The following SGIP1 variants were observed in gnomAD, a reference collection of about 807,000 sequenced individuals.
SGIP1 encodes SH3-containing GRB2-like protein 3-interacting protein 1.
Under a neutral mutation model 107.5 loss-of-function variants are expected in SGIP1, and 38 were observed. The ratio of observed to expected loss-of-function variants is 0.35; its 90% CI spans 0.27 to 0.46. SGIP1 has a LOEUF of 0.46. Among genes scored for constraint, SGIP1 ranks in the 20% least tolerant of loss-of-function variants. SGIP1 has a pLI of 1.00. For missense variants in SGIP1, 929 were observed against 1,019.5 expected, an observed-to-expected ratio of 0.91 and a Z score of 1.21; for synonymous variants, 365 against 366.1, an observed-to-expected ratio of 1.00 and a Z score of 0.03.
chr1:66,678,012 G>T lies in SGIP1; in HGVS notation c.739+916G>T, dbSNP rs77723138. 7.0e-3 allele frequency among the ~76,000 whole-genome samples: 1,062 copies of T among 152,274 alleles called. 20 individuals are homozygous for T. The highest frequency in any genetic ancestry group is 0.024 in the African/African-American group (990 of 41,542). On this transcript the variant is annotated intron_variant, in intron 13 of 24. Transcript: ENST00000371037. ...GAGGTTGTTTGTTGGAAATATTATTGCTATAAAGCCGTGTGATCTAGCCTT... is the reference window on the plus strand; with the variant it reads ...GAGGTTGTTTGTTGGAAATATTATTTCTATAAAGCCGTGTGATCTAGCCTT...
rs201398961 is a variant in SGIP1, at chr1:66,635,992, C to A, written c.148C>A (p.Arg50Ser). 1 of 1,613,476 alleles carries A rather than the reference C, an allele frequency of 6.2e-7. No individual in the cohort carries two copies. The highest frequency in any genetic ancestry group is 1.3e-5 in the African/African-American group (1 of 74,900). Residue 50 changes from arginine (R) to serine (S), a missense_variant, in exon 4 of 25, where the codon CGT (arginine) becomes AGT (serine). Arg to Ser is a moderately radical substitution (Grantham distance 110). Around this residue, in one of 2 missense-constraint regions of SGIP1, gnomAD observed 588 missense variants for 588.6 expected, o/e 1.00. Coordinates refer to ENST00000371037, the MANE Select transcript of SGIP1 (RefSeq NM_032291.4). ...PPYNSKAECA[R>S]EGGKKVSKKS... is the part of the protein sequence containing the mutation. ...CTACAATAGCAAAGCAGAGTGTGCG[C>A]GTGAAGGAGGAAAAAAAGTTTCGGT...
intron 1 of SGIP1, among the ~76,000 whole-genome samples, chr1:66,596,387 C>A (rs1001909511): frequency 6.6e-6 from 1 of 152,016 alleles, no homozygotes; most frequent in Non-Finnish European, 1.5e-5. Context: ...GGTCTGGGAC[C>A]TTTTATGGGC....
chr1:66,646,309 A>G (rs2077653396), intron 7 of SGIP1, among the ~76,000 whole-genome samples: 1 of 152,222 alleles, frequency 6.6e-6, no homozygotes, highest in South Asian at 2.1e-4. Flanking sequence ...TTCTTCAGGC[A>G]CTAAAAAGGA....
At chr1:66,698,149 A>G (rs2091280209) in intron 18 of SGIP1, among the ~76,000 whole-genome samples, 1 of 152,204 alleles carries the variant, frequency 6.6e-6, no homozygotes, top group South Asian at 2.1e-4. Context: ...TGATCAACCA[A>G]TCAACTAAGT....
At chr1:66,676,094 A>G (rs1370865707) in intron 12 of SGIP1, among the ~76,000 whole-genome samples, 1 of 152,178 alleles carries the variant, frequency 6.6e-6, no homozygotes, top group African/African-American at 2.4e-5. Flanking sequence ...CTCTATTCAT[A>G]TATCTTTCCT....
intron 17 of SGIP1, among the ~76,000 whole-genome samples, chr1:66,693,094 A>T (rs2090213824): frequency 6.6e-6 from 1 of 152,106 alleles, no homozygotes; most frequent in Non-Finnish European, 1.5e-5. Context: ...CAGACAGGTT[A>T]TAATATGAAA....
chr1:66,599,014 G>C (rs2065238937), intron 1 of SGIP1, among the ~76,000 whole-genome samples: 1 of 152,016 alleles, frequency 6.6e-6, no homozygotes, highest in South Asian at 2.1e-4. Context: ...GAAGAAGGCA[G>C]TGTTCTACCC....
In SGIP1 at chr1:66,595,634, C is replaced by T. The variant is rs190830438; in HGVS notation, c.11-30213C>T. Among the ~76,000 whole-genome samples the T allele has an allele frequency of 5.8e-3, 881 of 152,264 alleles. 11 individuals are homozygous for T. The highest frequency in any genetic ancestry group is 0.02 in the African/African-American group (826 of 41,526). ...CATGTAAGGGAGCTTGTGCTTTTAACATTTCCATTTACTAGCTTTTCTGAC... is the reference window on the plus strand; with the variant it reads ...CATGTAAGGGAGCTTGTGCTTTTAATATTTCCATTTACTAGCTTTTCTGAC... On this transcript the variant is annotated intron_variant, in intron 1 of 24. Transcript: ENST00000371037.
chr1:66,576,754 G>C (rs893746274), intron 1 of SGIP1, among the ~76,000 whole-genome samples: 7 of 152,054 alleles, frequency 4.6e-5, no homozygotes, highest in Non-Finnish European at 2.9e-5. Context: ...AGATAAGAAC[G>C]GTACTGGCCA....
At chr1:66,594,665 G>T (rs115716736) in intron 1 of SGIP1, among the ~76,000 whole-genome samples, 3 of 152,080 alleles carry the variant, frequency 2.0e-5, no homozygotes, top group African/African-American at 4.8e-5. Context: ...AATAAACTCC[G>T]GTTTATTAAC....
chr1:66,745,654 T>C lies in SGIP1; in HGVS notation c.*2559T>C, dbSNP rs545260197. On this transcript the variant is annotated 3_prime_UTR_variant, in exon 25 of 25. Coordinates refer to ENST00000371037, the MANE Select transcript of SGIP1 (RefSeq NM_032291.4). ...AATGAACTAGTAGGTAATAAAACTA[T>C]TTTCAGTACTAGGGGTTAAAACAAA... 3.3e-5 allele frequency: 5 copies of C among 152,052 alleles called. No homozygotes were observed. Among genetic ancestry groups the C allele is most frequent in the Non-Finnish European group, 7.4e-5 (5 of 67,924 alleles). The allele number at this position is 152,052 out of a possible 1,614,324, so 9.4% of individuals were successfully genotyped here. A position where few individuals can be genotyped will look rare whatever the true frequency, so the allele number is the denominator to read the frequency against.
chr1:66,619,702 C>T (rs11208925), intron 1 of SGIP1, among the ~76,000 whole-genome samples: 2 of 152,314 alleles, frequency 1.3e-5, no homozygotes, highest in East Asian at 1.9e-4. Flanking sequence ...ACTTACACTT[C>T]TAGGAGACAG....
At chr1:66,651,609 C>G (rs2078767430) in intron 7 of SGIP1, among the ~76,000 whole-genome samples, 3 of 152,104 alleles carry the variant, frequency 2.0e-5, no homozygotes, top group Admixed American at 2.0e-4. Flanking sequence ...AATCCCAGCC[C>G]AAAGGGCCCA....
intron 1 of SGIP1, among the ~76,000 whole-genome samples, chr1:66,545,628 TTGTG>T (rs769603266): frequency 1.7e-3 from 241 of 139,040 alleles, no homozygotes; most frequent in Middle Eastern, 7.0e-3. Context: ...ACTGAACAAA[TTGTG>T]TGTGTGTGTG....
chr1:66,551,058 C>G (rs563477355), intron 1 of SGIP1, among the ~76,000 whole-genome samples: 1 of 152,226 alleles, frequency 6.6e-6, no homozygotes, highest in South Asian at 2.1e-4. Flanking sequence ...GTTCCTATTA[C>G]ATAGATGAGA....
At chr1:66,734,567 C>T (rs12119578) in intron 21 of SGIP1, among the ~76,000 whole-genome samples, 40,271 of 149,614 alleles carry the variant, frequency 0.27, 5,545 homozygotes, top group South Asian at 0.31. Context: ...TGCAGTGGCA[C>T]AATCTTGGCT....
chr1:66,566,247 T>A (rs2059623888), intron 1 of SGIP1, among the ~76,000 whole-genome samples: 1 of 151,956 alleles, frequency 6.6e-6, no homozygotes, highest in African/African-American at 2.4e-5. Flanking sequence ...CATTATAAGA[T>A]CTTTTAAAGA....
intron 1 of SGIP1, among the ~76,000 whole-genome samples, chr1:66,550,668 A>G (rs1180384047): frequency 6.6e-6 from 1 of 152,186 alleles, no homozygotes; most frequent in African/African-American, 2.4e-5. Flanking sequence ...CATGCCGGAA[A>G]TTGTTCCTAA....
chr1:66,551,268 T>C (rs1274859743), intron 1 of SGIP1, among the ~76,000 whole-genome samples: 1 of 152,174 alleles, frequency 6.6e-6, no homozygotes, highest in Admixed American at 6.6e-5. Context: ...TGTTGGATGT[T>C]TCAGAGAAAT....
Sources: gnomAD v4.1 joint callset for allele counts (sites outside exome capture counted in the v4.1 genomes callset) on GRCh38, gnomAD v4.1.1 for gene constraint, gnomAD v4.1.1 regional missense constraint, MANE v1.5 for transcripts, NCBI Gene and HGNC (gene_info 2026-07-23, HGNC 2026-07-21) for gene names.